Variants in NMT1 observed in about 807,000 individuals in gnomAD.
The protein encoded by NMT1 is glycylpeptide N-tetradecanoyltransferase 1.
In NMT1, 12 loss-of-function variants were observed where a neutral mutation model predicts 63.4. The ratio of observed to expected loss-of-function variants is 0.19; its 90% CI spans 0.12 to 0.31. The LOEUF (loss-of-function observed/expected upper bound fraction) is 0.31, where lower values mean the gene tolerates loss of function less well. Ranked by LOEUF, NMT1 falls within the 10% of genes least tolerant of loss-of-function variation. NMT1 has a pLI of 1.00. For synonymous variants in NMT1, 228 were observed against 234.3 expected, an observed-to-expected ratio of 0.97 and a Z score of 0.25; for missense variants, 432 against 634.6, an observed-to-expected ratio of 0.68 and a Z score of 3.43.
Position 45,081,686 on chromosome 17 carries a change from A to G in NMT1, c.174A>G (p.Lys58=). The G allele has an allele frequency of 1.2e-6, 2 of 1,613,462 alleles. No homozygotes were observed. The highest frequency in any genetic ancestry group is 1.7e-6 in the Non-Finnish European group (2 of 1,179,606). The change falls in exon 2 of 12, where the codon AAA becomes AAG. Residue 58 remains lysine, a synonymous_variant. Coordinates refer to ENST00000258960, the MANE Select transcript of NMT1 (RefSeq NM_021079.5). ...PANDTGAKKK[K]KKQKKKKEKG... ...ATGACACTGGAGCCAAAAAGAAGAA[A>G]AAGAAACAAAAAAAGAAGAAAGAAA...
intron 2 of NMT1, among the ~76,000 whole-genome samples, chr17:45,083,102 G>A (rs1412621830): frequency 1.3e-5 from 2 of 151,936 alleles, no homozygotes; most frequent in African/African-American, 4.8e-5. Flanking sequence ...GGATCACGAG[G>A]TCAGGAATTT....
Position 45,104,216 on chromosome 17 carries a change from T to A in NMT1, c.1332+340T>A, listed in dbSNP as rs1368811513. The A allele has an allele frequency of 1.6e-6, 2 of 1,229,692 alleles. No individual in the cohort carries two copies. Among genetic ancestry groups the A allele is most frequent in the African/African-American group, 3.1e-5 (2 of 64,146 alleles). The allele number at this position is 1,229,692 out of a possible 1,614,324, so 76.2% of individuals were successfully genotyped here. On this transcript the variant is annotated intron_variant, in intron 10 of 11. Transcript: ENST00000258960. This position sits in a 1 kb window ranked among gnomAD's most constrained non-coding sequence, Gnocchi z 4.2. ...CAGCGTGGGAAAGGGGTGATTGCTGTCTGTCGTGGTGAGTCATTGGAGCAT... is the reference window on the plus strand; with the variant it reads ...CAGCGTGGGAAAGGGGTGATTGCTGACTGTCGTGGTGAGTCATTGGAGCAT...
intron 6 of NMT1, 24 bp downstream of exon 6, chr17:45,097,268 C>A (rs750726359): frequency 1.4e-5 from 21 of 1,490,436 alleles, no homozygotes; most frequent in Non-Finnish European, 1.8e-5. Context: ...CCTACCCCCA[C>A]CCCCCACAAC....
intron 8 of NMT1, 58 bp from the exon 9 acceptor site, chr17:45,102,893 A>T (rs2054176908): frequency 1.3e-6 from 2 of 1,510,336 alleles, no homozygotes; most frequent in East Asian, 4.7e-5. Context: ...TGTCCTTGCC[A>T]TGGATAGATC....
Position 45,061,325 on chromosome 17 carries a change from T to G in NMT1, c.-5T>G, listed in dbSNP as rs774460908. ...GGGCGCGGAGCCCTGCTCTCGCAAC[T>G]CAAGATGGCGGACGAGAGTGAGACA... On this transcript the variant is annotated 5_prime_UTR_variant, in exon 1 of 12. Coordinates refer to ENST00000258960, the MANE Select transcript of NMT1 (RefSeq NM_021079.5). 1 of 1,613,080 alleles carries G rather than the reference T, an allele frequency of 6.2e-7. No homozygotes were observed. Among genetic ancestry groups the G allele is most frequent in the South Asian group, 1.1e-5 (1 of 91,006 alleles).
rs550119986 is a variant in NMT1, at chr17:45,104,637, C to T, written c.1333-222C>T. The T allele has an allele frequency of 1.3e-4, 181 of 1,395,948 alleles. No homozygotes were observed. The South Asian group carries it at 2.6e-3, about 20-fold the overall frequency. The allele number at this position is 1,395,948 out of a possible 1,614,324, so 86.5% of individuals were successfully genotyped here. ...CCTGGACACTGAGTACATATGTGTA[C>T]ACTCTGAGGGACACTGGGCAGAGGC... On this transcript the variant is annotated intron_variant, in intron 10 of 11. Coordinates refer to ENST00000258960, the MANE Select transcript of NMT1 (RefSeq NM_021079.5). This position sits in a 1 kb window ranked among gnomAD's most constrained non-coding sequence, Gnocchi z 4.2.
chr17:45,072,539 A>G (rs566353373), intron 1 of NMT1, among the ~76,000 whole-genome samples: 1 of 150,914 alleles, frequency 6.6e-6, no homozygotes, highest in Non-Finnish European at 1.5e-5. Flanking sequence ...TGCTGGGATT[A>G]CAGGTGTGAG....
chr17:45,102,893 A>C, intron 8 of NMT1, 58 bp from the exon 9 acceptor site: 1 of 1,510,334 alleles, frequency 6.6e-7, no homozygotes, highest in South Asian at 1.3e-5. Flanking sequence ...TGTCCTTGCC[A>C]TGGATAGATC....
At chr17:45,064,492 C>T (rs908768742) in intron 1 of NMT1, among the ~76,000 whole-genome samples, 5 of 152,098 alleles carry the variant, frequency 3.3e-5, no homozygotes, top group East Asian at 3.9e-4. Context: ...AAATGCAGCA[C>T]GGCACAGTAG....
intron 3 of NMT1, among the ~76,000 whole-genome samples, chr17:45,091,922 G>C (rs2054091260): frequency 6.6e-6 from 1 of 152,204 alleles, no homozygotes; most frequent in Non-Finnish European, 1.5e-5. Context: ...TCGAGAGGCT[G>C]AGATGGGAGG....
intron 3 of NMT1, among the ~76,000 whole-genome samples, chr17:45,086,984 G>A (rs1226640411): frequency 7.5e-6 from 1 of 133,848 alleles, no homozygotes; most frequent in Admixed American, 7.8e-5. Flanking sequence ...CATAGACCTT[G>A]TTTCCACAAA....
chr17:45,104,269 C>T lies in NMT1; in HGVS notation c.1332+393C>T, dbSNP rs963099142. 1.7e-6 allele frequency: 2 copies of T among 1,191,118 alleles called. No homozygotes were observed. The allele number at this position is 1,191,118 out of a possible 1,614,324, so 73.8% of individuals were successfully genotyped here. ...AACTGCCAGTAGCGGATGGCGAGCC[C>T]GTCTGTCAGTGCTTTGCTGTGGGTT... On this transcript the variant is annotated intron_variant, in intron 10 of 11. Coordinates refer to ENST00000258960, the MANE Select transcript of NMT1 (RefSeq NM_021079.5). This position sits in a 1 kb window ranked among gnomAD's most constrained non-coding sequence, Gnocchi z 4.2.
rs778948819 is a variant in NMT1, at chr17:45,103,870, C to T, written c.1326C>T (p.Ala442=). 4.3e-6 allele frequency: 7 copies of T among 1,613,790 alleles called. No individual in the cohort carries two copies. The East Asian group carries it at 1.6e-4, about 36-fold the overall frequency. ...TCATGAGCGACGCCCTTGTCCTCGC[C>T]AAAATGGTGAGGAGCAGACGGGGGG... ...LDLMSDALVL[A]KMKGFDVFNA... The change falls in exon 10 of 12, where the codon GCC becomes GCT. Residue 442 remains alanine (A), a synonymous_variant. Coordinates refer to ENST00000258960, the MANE Select transcript of NMT1 (RefSeq NM_021079.5). The surrounding 1 kb of genome is among the most constrained non-coding windows in gnomAD (Gnocchi z 4.8).
At chr17:45,102,672 A>G (rs1319127931) in intron 8 of NMT1, among the ~76,000 whole-genome samples, 1 of 152,226 alleles carries the variant, frequency 6.6e-6, no homozygotes, top group Non-Finnish European at 1.5e-5. Context: ...GGGGAGTTTG[A>G]AACAAGGGTG....
intron 2 of NMT1, among the ~76,000 whole-genome samples, chr17:45,085,052 A>G (rs552584887): frequency 6.6e-5 from 10 of 151,998 alleles, no homozygotes; most frequent in African/African-American, 2.4e-4. Flanking sequence ...GTTCGAGGCC[A>G]GCCCAGGCAA....
chr17:45,081,734 C>T lies in NMT1; in HGVS notation c.222C>T (p.Ala74=), dbSNP rs184508172. The T allele has an allele frequency of 6.3e-7, 1 of 1,574,942 alleles. No individual in the cohort carries two copies. The highest frequency in any genetic ancestry group is 1.4e-5 in the African/African-American group (1 of 73,460). The part of the protein sequence containing the change: ...KKEKGSETDS[A]QDQPVKMNSL... ...AAAAAGGCAGTGAGACAGATTCAGC[C>T]CAGGATCAGCCTGTGAAGGTAACAA... The change falls in exon 2 of 12, where the codon GCC becomes GCT. Residue 74 remains alanine (A), a synonymous_variant. Transcript: ENST00000258960.
intron 1 of NMT1, among the ~76,000 whole-genome samples, chr17:45,077,977 G>A (rs1037576670): frequency 6.6e-6 from 1 of 152,050 alleles, no homozygotes; most frequent in Non-Finnish European, 1.5e-5. Flanking sequence ...TGCCTTCTGG[G>A]TCTCATTAAT....
At chr17:45,098,175 T>C (rs1017187282) in intron 6 of NMT1, among the ~76,000 whole-genome samples, 3 of 152,126 alleles carry the variant, frequency 2.0e-5, no homozygotes, top group Admixed American at 6.6e-5. Context: ...GGTCCCACCT[T>C]CCTTTGGAAA....
chr17:45,071,815 C>T (rs1026593800), intron 1 of NMT1, among the ~76,000 whole-genome samples: 2 of 152,088 alleles, frequency 1.3e-5, no homozygotes, highest in African/African-American at 4.8e-5. Flanking sequence ...ACTACTACAT[C>T]GTGAGACTCC....
Sources: allele counts gnomAD v4.1 joint callset (sites outside exome capture counted in the v4.1 genomes callset), GRCh38; gene constraint gnomAD v4.1.1; non-coding constraint Gnocchi (gnomAD v3.1); transcripts MANE v1.5; gene names NCBI Gene and HGNC (gene_info 2026-07-23, HGNC 2026-07-21).